Variants in A1CF observed in about 807,000 individuals in gnomAD.
A1CF encodes APOBEC1 complementation factor, also known as APOBEC-1 stimulating protein.
A neutral mutation model predicts 68.9 loss-of-function variants in A1CF; 48 were observed. That is an observed-to-expected ratio of 0.70 (90% CI 0.55 to 0.89). The LOEUF (loss-of-function observed/expected upper bound fraction) is 0.89. Ranked by LOEUF, A1CF falls within the 40% of genes least tolerant of loss-of-function variation. The probability of loss-of-function intolerance (pLI) is 0.00; values close to 1 mark genes in which losing one functional copy is unlikely to be tolerated. For missense variants in A1CF, 653 were observed against 718.9 expected, an observed-to-expected ratio of 0.91 and a Z score of 1.05; for synonymous variants, 272 against 260.4, an observed-to-expected ratio of 1.04 and a Z score of -0.43.
intron 5 of A1CF, among the ~76,000 whole-genome samples, chr10:50,841,607 AAT>A (rs1839780841): frequency 6.6e-6 from 1 of 152,214 alleles, no homozygotes; most frequent in Admixed American, 6.5e-5. Flanking sequence ...AACAGTGCCC[AAT>A]ATATATTTAT....
intron 1 of A1CF, among the ~76,000 whole-genome samples, chr10:50,879,510 A>C (rs1196704397): frequency 6.6e-6 from 1 of 152,202 alleles, no homozygotes; most frequent in African/African-American, 2.4e-5. Flanking sequence ...ATTGACTCAC[A>C]GTTCTGCATG....
intron 1 of A1CF, among the ~76,000 whole-genome samples, chr10:50,877,251 T>C (rs1049979627): frequency 3.3e-5 from 5 of 152,236 alleles, no homozygotes; most frequent in African/African-American, 9.6e-5. Flanking sequence ...TCAATAGTCC[T>C]GGTACCAATT....
Position 50,816,418 on chromosome 10 carries a change from G to A in A1CF, c.868-139C>T, listed in dbSNP as rs553544420. 3.1e-5 allele frequency: 33 copies of A among 1,060,488 alleles called. No homozygotes were observed. The African/African-American group carries it at 3.5e-4, about 11-fold the overall frequency. 65.7% of individuals were successfully genotyped at this position (1,060,488 alleles called of 1,614,324 possible). On this transcript the variant is annotated intron_variant, in intron 8 of 12. Coordinates refer to ENST00000373997, the MANE Select transcript of A1CF (RefSeq NM_014576.4). ...TTGATTGTATCTTGTCATTTTATAGGTTTGTTTTGTATGCCAGTTGAACTT... is the reference window on the plus strand; with the variant it reads ...TTGATTGTATCTTGTCATTTTATAGATTTGTTTTGTATGCCAGTTGAACTT...
intron 3 of A1CF, among the ~76,000 whole-genome samples, chr10:50,851,504 T>A (rs2132492344): frequency 6.6e-6 from 1 of 152,344 alleles, no homozygotes; most frequent in South Asian, 2.1e-4. Context: ...AAAGAAAATA[T>A]ATTGTTCTTA....
chr10:50,843,651 T>G (rs561198191), intron 4 of A1CF, among the ~76,000 whole-genome samples: 1 of 152,114 alleles, frequency 6.6e-6, no homozygotes, highest in Non-Finnish European at 1.5e-5. Context: ...AAATTTCAAG[T>G]TGGAGCAATA....
intron 1 of A1CF, among the ~76,000 whole-genome samples, chr10:50,875,804 C>T (rs1841486177): frequency 6.6e-6 from 1 of 152,206 alleles, no homozygotes; most frequent in Non-Finnish European, 1.5e-5. Flanking sequence ...CTGTTCTGCA[C>T]ACCACTGGAA....
intron 6 of A1CF, among the ~76,000 whole-genome samples, chr10:50,835,076 A>G (rs763441717): frequency 6.6e-6 from 1 of 152,294 alleles, no homozygotes; most frequent in Non-Finnish European, 1.5e-5. Flanking sequence ...GAAGTTGTGA[A>G]TGAAAGATTC....
rs1837526627 is a variant in A1CF, at chr10:50,799,779, T to G, written c.*6950A>C. On this transcript the variant is annotated 3_prime_UTR_variant, in exon 13 of 13. Transcript: ENST00000373997. ...AAGAGATTGTTAAACATCTGGAAAC[T>G]ATAAATGCATTTTGCTGACAGCTTG... 6.6e-6 allele frequency: 1 copy of G among 152,152 alleles called. No homozygotes were observed. The highest frequency in any genetic ancestry group is 2.1e-4 in the South Asian group (1 of 4,828). The allele number at this position is 152,152 out of a possible 1,614,324, so 9.4% of individuals were successfully genotyped here. A position where few individuals can be genotyped will look rare whatever the true frequency, so the allele number is the denominator to read the frequency against.
chr10:50,821,076 A>G (rs1374985016), intron 7 of A1CF, among the ~76,000 whole-genome samples: 2 of 152,182 alleles, frequency 1.3e-5, no homozygotes, highest in Non-Finnish European at 2.9e-5. Context: ...TGTCTTATGT[A>G]ATTAACTTTA....
rs944516169 is a variant in A1CF at position 50,843,932 on chromosome 10, G to C, written c.234+56C>G. Reference sequence around the variant, plus strand: ...GCTGAGAATGAAAGCAAAGTGAAGAGAACAGTATTTTTCCCTTGAACGATA... The same window carrying C: ...GCTGAGAATGAAAGCAAAGTGAAGACAACAGTATTTTTCCCTTGAACGATA... On this transcript the variant is annotated intron_variant, in intron 4 of 12. Transcript: ENST00000373997. The C allele has an allele frequency of 1.9e-6, 3 of 1,600,220 alleles. No homozygotes were observed. The Admixed American group carries it at 5.1e-5, about 27-fold the overall frequency.
chr10:50,828,628 G>A (rs896106622), intron 6 of A1CF, among the ~76,000 whole-genome samples: 1 of 152,104 alleles, frequency 6.6e-6, no homozygotes. Context: ...AGGTAAGATA[G>A]CACAAGGGAG....
chr10:50,880,001 C>A (rs1841698353), intron 1 of A1CF, among the ~76,000 whole-genome samples: 1 of 152,088 alleles, frequency 6.6e-6, no homozygotes, highest in Non-Finnish European at 1.5e-5. Context: ...TCAGAATTTT[C>A]ACAGAGAATC....
intron 1 of A1CF, among the ~76,000 whole-genome samples, chr10:50,865,275 C>A (rs1293599008): frequency 6.7e-6 from 1 of 149,930 alleles, no homozygotes. Flanking sequence ...ACTCCTACTA[C>A]TACTGCTGCT....
chr10:50,881,141 C>G (rs997040781), intron 1 of A1CF, among the ~76,000 whole-genome samples: 4 of 152,152 alleles, frequency 2.6e-5, no homozygotes, highest in African/African-American at 9.7e-5. Context: ...AGGTACCCAC[C>G]ACCATGCCTG....
intron 4 of A1CF, among the ~76,000 whole-genome samples, chr10:50,843,408 T>A (rs866515261): frequency 1.3e-5 from 2 of 152,188 alleles, no homozygotes; most frequent in South Asian, 4.1e-4. Flanking sequence ...TTTACTAAAT[T>A]TTTCAGGAAT....
At chr10:50,849,548 C>A (rs1387763339) in intron 3 of A1CF, among the ~76,000 whole-genome samples, 1 of 152,122 alleles carries the variant, frequency 6.6e-6, no homozygotes, top group Non-Finnish European at 1.5e-5. Flanking sequence ...ACGATATGAA[C>A]ATTATCAAAT....
In A1CF at chr10:50,803,383, A is replaced by G. The variant is rs1837689509; in HGVS notation, c.*3346T>C. 1.3e-5 allele frequency: 2 copies of G among 152,174 alleles called. No individual in the cohort carries two copies. The highest frequency in any genetic ancestry group is 2.4e-5 in the African/African-American group (1 of 41,480). 9.4% of individuals were successfully genotyped at this position (152,174 alleles called of 1,614,324 possible). A position where few individuals can be genotyped will look rare whatever the true frequency, so the allele number is the denominator to read the frequency against. On this transcript the variant is annotated 3_prime_UTR_variant, in exon 13 of 13. Coordinates refer to ENST00000373997, the MANE Select transcript of A1CF (RefSeq NM_014576.4). ...CTCCCAAAGTACTGGGGTTATAGGC[A>G]TGGGCCACTGTGCCAGATATTTTTT...
rs767833377 is a variant in A1CF at position 50,805,452 on chromosome 10, A to G, written c.*1277T>C. The G allele has an allele frequency of 6.6e-6, 1 of 152,060 alleles. No homozygotes were observed. The highest frequency in any genetic ancestry group is 1.5e-5 in the Non-Finnish European group (1 of 68,010). 9.4% of individuals were successfully genotyped at this position (152,060 alleles called of 1,614,324 possible). ...TTTGTAGCACCGTTGCCCTCCCCTC[A>G]CTTCATCATCAGATATTTCTGGAGA... On this transcript the variant is annotated 3_prime_UTR_variant, in exon 13 of 13. Coordinates refer to ENST00000373997, the MANE Select transcript of A1CF (RefSeq NM_014576.4).
chr10:50,809,485 G>T (rs1325190766), intron 12 of A1CF, among the ~76,000 whole-genome samples: 2 of 152,122 alleles, frequency 1.3e-5, no homozygotes. Flanking sequence ...CTAACTCTTG[G>T]TGGTATCATG....
Sources: allele counts gnomAD v4.1 joint callset (sites outside exome capture counted in the v4.1 genomes callset), GRCh38; gene constraint gnomAD v4.1.1; transcripts MANE v1.5; gene names NCBI Gene and HGNC (gene_info 2026-07-23, HGNC 2026-07-21).